Variants in PDK1 observed in about 807,000 individuals in gnomAD.
The protein encoded by PDK1 is [Pyruvate dehydrogenase (acetyl-transferring)] kinase isozyme 1, mitochondrial.
In PDK1, 39 loss-of-function variants were observed where a neutral mutation model predicts 54.2. The observed-to-expected ratio is 0.72, with a 90% CI of 0.56 to 0.94. The LOEUF (loss-of-function observed/expected upper bound fraction) is 0.94. PDK1 is among the 40% of genes least tolerant of loss of function. The probability of loss-of-function intolerance (pLI) is 0.00; values close to 1 mark genes in which losing one functional copy is unlikely to be tolerated. For synonymous variants in PDK1, 221 were observed against 207.1 expected, an observed-to-expected ratio of 1.07 and a Z score of -0.58; for missense variants, 552 against 566.0, an observed-to-expected ratio of 0.98 and a Z score of 0.25.
At chr2:172,587,730 A>C (rs1026439479) in intron 9 of PDK1, among the ~76,000 whole-genome samples, 2 of 152,120 alleles carry the variant, frequency 1.3e-5, no homozygotes, top group African/African-American at 4.8e-5. Context: ...TATTTTATAG[A>C]GAGCTGATTG....
intron 8 of PDK1, among the ~76,000 whole-genome samples, chr2:172,572,641 G>A (rs1253123051): frequency 6.6e-6 from 1 of 152,090 alleles, no homozygotes; most frequent in Non-Finnish European, 1.5e-5. Context: ...CACGAGAATC[G>A]CTTGAACCCA....
chr2:172,616,177 T>C, the PDK1 span, among the ~76,000 whole-genome samples: 6 of 152,220 alleles, frequency 3.9e-5, no homozygotes, highest in African/African-American at 1.2e-4. Flanking sequence ...TAAAATCACT[T>C]TCAAAACCAA....
At chr2:172,723,549 G>A in the PDK1 span, 3 of 152,094 alleles carry the variant, frequency 2.0e-5, no homozygotes, top group Non-Finnish European at 4.4e-5. Flanking sequence ...AAATGTCAAT[G>A]TCATGAAAGA....
chr2:172,556,229 A>C lies in PDK1; in HGVS notation c.79A>C (p.Ser27Arg). 2.1e-6 allele frequency: 3 copies of C among 1,439,130 alleles called. No homozygotes were observed. Among genetic ancestry groups the C allele is most frequent in the Non-Finnish European group, 2.7e-6 (3 of 1,102,962 alleles). 89.1% of individuals were successfully genotyped at this position (1,439,130 alleles called of 1,614,324 possible). ...GCTGCGCGCCGCCGGCTTCAGCCGC[A>C]GCTTCAGCTCGGACTCGGGCTCCAG... The part of the protein sequence containing the change: ...PGLRAAGFSR[S>R]FSSDSGSSPA... The change falls in exon 1 of 11, where the codon AGC (serine) becomes CGC (arginine). Residue 27 changes from serine (S) to arginine (R), a missense_variant. Coordinates refer to ENST00000282077, the MANE Select transcript of PDK1 (RefSeq NM_002610.5).
the PDK1 span, among the ~76,000 whole-genome samples, chr2:172,616,027 G>A: frequency 6.6e-6 from 1 of 152,136 alleles, no homozygotes; most frequent in Non-Finnish European, 1.5e-5. Flanking sequence ...TGCTGAACCT[G>A]CTTAGTAATC....
chr2:172,662,790 G>A, the PDK1 span, among the ~76,000 whole-genome samples: 15 of 151,896 alleles, frequency 9.9e-5, no homozygotes, highest in Non-Finnish European at 1.9e-4. Context: ...TAGAAAAAAG[G>A]TGCATGCATG....
chr2:172,560,772 G>C (rs1688614515), intron 2 of PDK1, among the ~76,000 whole-genome samples: 3 of 152,190 alleles, frequency 2.0e-5, no homozygotes, highest in Admixed American at 1.3e-4. Context: ...AAGTAGAGAT[G>C]TTAAGGGTAT....
At position 172,601,364 on chromosome 2, in the gene PDK1, G is replaced by C. The variant is rs1691109730; in HGVS notation, c.*5395G>C. The C allele has an allele frequency of 6.6e-6, 1 of 152,110 alleles. No homozygotes were observed. Among genetic ancestry groups the C allele is most frequent in the Non-Finnish European group, 1.5e-5 (1 of 68,034 alleles). 9.4% of individuals were successfully genotyped at this position (152,110 alleles called of 1,614,324 possible). A position where few individuals can be genotyped will look rare whatever the true frequency, so the allele number is the denominator to read the frequency against. On this transcript the variant is annotated 3_prime_UTR_variant, in exon 11 of 11. Coordinates refer to ENST00000282077, the MANE Select transcript of PDK1 (RefSeq NM_002610.5). ...AAGCAAACATACTGATAATGGTTAGGCTTTCTGTCCCCACCGCACAAATCT... is the reference window on the plus strand; with the variant it reads ...AAGCAAACATACTGATAATGGTTAGCCTTTCTGTCCCCACCGCACAAATCT...
chr2:172,654,625 G>T, the PDK1 span, among the ~76,000 whole-genome samples: 124 of 151,972 alleles, frequency 8.2e-4, no homozygotes, highest in African/African-American at 3.0e-3. Context: ...TGGGGGGCTG[G>T]GGGAGGAATA....
intron 9 of PDK1, 128 bp downstream of exon 9, chr2:172,586,516 A>C: frequency 1.9e-6 from 1 of 535,818 alleles, no homozygotes; most frequent in Non-Finnish European, 3.4e-6. Context: ...TTAGAAATGC[A>C]CACTTTCCCC....
Position 172,602,648 on chromosome 2 carries a change from A to G in PDK1, c.*6679A>G, listed in dbSNP as rs1432361693. On this transcript the variant is annotated 3_prime_UTR_variant, in exon 11 of 11. Transcript: ENST00000282077. ...GGTGTTAACAAAAAGTTACCTGCCT[A>G]TGGATTCTCCTTTCTAACTCTGACC... is the stretch of plus-strand genomic sequence containing the variant. 2.0e-5 allele frequency: 3 copies of G among 152,210 alleles called. No homozygotes were observed. The highest frequency in any genetic ancestry group is 2.9e-5 in the Non-Finnish European group (2 of 68,028). 9.4% of individuals were successfully genotyped at this position (152,210 alleles called of 1,614,324 possible). A position where few individuals can be genotyped will look rare whatever the true frequency, so the allele number is the denominator to read the frequency against.
chr2:172,646,128 G>A, the PDK1 span, among the ~76,000 whole-genome samples: 1 of 152,196 alleles, frequency 6.6e-6, no homozygotes, highest in African/African-American at 2.4e-5. Flanking sequence ...AGGGTTTGCT[G>A]TGGATAGATA....
the PDK1 span, among the ~76,000 whole-genome samples, chr2:172,617,205 G>A: frequency 6.6e-6 from 1 of 151,866 alleles, no homozygotes; most frequent in Non-Finnish European, 1.5e-5. Context: ...TGCCCACCTT[G>A]GCCTCCCAAA....
upstream of PDK1, chr2:172,556,056 C>T (rs1688295951): frequency 3.1e-6 from 3 of 977,540 alleles, no homozygotes; most frequent in Admixed American, 8.6e-5. Flanking sequence ...CAGCCGATCC[C>T]CGCCCCTGCT....
the PDK1 span, among the ~76,000 whole-genome samples, chr2:172,711,411 G>T: frequency 3.3e-5 from 5 of 152,128 alleles, no homozygotes; most frequent in Non-Finnish European, 7.4e-5. Context: ...AAGCAGTTTA[G>T]GTCCGCAGGA....
chr2:172,594,771 T>A (rs1690799982), intron 10 of PDK1, among the ~76,000 whole-genome samples: 1 of 152,230 alleles, frequency 6.6e-6, no homozygotes, highest in African/African-American at 2.4e-5. Flanking sequence ...TCTTAGGAAA[T>A]GCCTTTGGCC....
chr2:172,685,854 G>A, the PDK1 span, among the ~76,000 whole-genome samples: 14 of 152,264 alleles, frequency 9.2e-5, no homozygotes, highest in South Asian at 4.2e-4. Context: ...TTTCAGCATC[G>A]TATTGCTGCT....
At chr2:172,623,783 A>G in the PDK1 span, among the ~76,000 whole-genome samples, 2 of 152,218 alleles carry the variant, frequency 1.3e-5, no homozygotes, top group Non-Finnish European at 2.9e-5. Flanking sequence ...AAAAAATGTG[A>G]CATTCTAGAC....
At chr2:172,609,030 T>A (rs1691384177), downstream of PDK1, among the ~76,000 whole-genome samples, 1 of 152,200 alleles carries the variant, frequency 6.6e-6, no homozygotes, top group Admixed American at 6.5e-5. Context: ...TATGCAAAAT[T>A]AAAAATATGC....
Sources: gnomAD v4.1 joint callset for allele counts (sites outside exome capture counted in the v4.1 genomes callset) on GRCh38, gnomAD v4.1.1 for gene constraint, MANE v1.5 for transcripts, NCBI Gene and HGNC (gene_info 2026-07-23, HGNC 2026-07-21) for gene names.